PPP2R2B: variants seen among roughly 807,000 people sequenced by gnomAD.
PPP2R2B encodes the protein serine/threonine-protein phosphatase 2A 55 kDa regulatory subunit B beta isoform.
Under a neutral mutation model 46.0 loss-of-function variants are expected in PPP2R2B, and 5 were observed. The observed-to-expected ratio is 0.11, with a 90% CI of 0.06 to 0.23. The LOEUF is 0.23. Ranked by LOEUF, PPP2R2B falls within the 10% of genes least tolerant of loss-of-function variation. PPP2R2B has a pLI of 1.00. For missense variants in PPP2R2B, 367 were observed against 575.0 expected, an observed-to-expected ratio of 0.64 and a Z score of 3.70; for synonymous variants, 215 against 206.7, an observed-to-expected ratio of 1.04 and a Z score of -0.34.
intron 1 of PPP2R2B, among the ~76,000 whole-genome samples, chr5:146,983,028 A>C (rs7710563): frequency 6.6e-6 from 1 of 151,822 alleles, no homozygotes; most frequent in South Asian, 2.1e-4. Flanking sequence ...TTTAGATTCA[A>C]TTACATTTTT....
chr5:146,946,947 C>T (rs1047017481), intron 1 of PPP2R2B, among the ~76,000 whole-genome samples: 1 of 151,944 alleles, frequency 6.6e-6, no homozygotes, highest in Non-Finnish European at 1.5e-5. Flanking sequence ...GAGGGTGTTT[C>T]TCAAGAAAGC....
At chr5:146,698,200 A>C in intron 3 of PPP2R2B, 56 bp from the exon 4 acceptor site, 1 of 1,441,100 alleles carries the variant, frequency 6.9e-7, no homozygotes, top group East Asian at 2.5e-5. Flanking sequence ...CAACTGTAAA[A>C]CTCGCCAACT....
At chr5:146,982,614 A>G (rs1305632722) in intron 1 of PPP2R2B, among the ~76,000 whole-genome samples, 1 of 152,136 alleles carries the variant, frequency 6.6e-6, no homozygotes, top group Non-Finnish European at 1.5e-5. Context: ...TGTCCTATCA[A>G]TTGTTAAAAA....
At chr5:146,817,877 G>T (rs892559992) in intron 2 of PPP2R2B, among the ~76,000 whole-genome samples, 2 of 152,188 alleles carry the variant, frequency 1.3e-5, no homozygotes, top group Admixed American at 1.3e-4. Flanking sequence ...TATCAAATCA[G>T]TTCATGACTC....
At chr5:146,628,987 C>G (rs936025835) in intron 7 of PPP2R2B, among the ~76,000 whole-genome samples, 1 of 152,168 alleles carries the variant, frequency 6.6e-6, no homozygotes, top group East Asian at 1.9e-4. Context: ...TTTCCCCTAC[C>G]CCATTGGTAA....
At chr5:147,066,862 A>T (rs575374791) in intron 2 of PPP2R2B, among the ~76,000 whole-genome samples, 1 of 152,212 alleles carries the variant, frequency 6.6e-6, no homozygotes, top group African/African-American at 2.4e-5. Flanking sequence ...AGCCAAATAC[A>T]TGGCCTGAAC....
intron 2 of PPP2R2B, among the ~76,000 whole-genome samples, chr5:146,857,181 G>A (rs891546566): frequency 9.9e-5 from 15 of 152,088 alleles, no homozygotes; most frequent in African/African-American, 3.6e-4. Flanking sequence ...CAACTTCTAT[G>A]CAATAGGAAC....
At chr5:146,838,050 C>T (rs1231162983) in intron 2 of PPP2R2B, among the ~76,000 whole-genome samples, 2 of 152,066 alleles carry the variant, frequency 1.3e-5, no homozygotes, top group Non-Finnish European at 2.9e-5. Flanking sequence ...CAGTGAGCCC[C>T]CTATGCCCCT....
At chr5:147,028,080 G>A (rs1755613855) in intron 1 of PPP2R2B, among the ~76,000 whole-genome samples, 1 of 152,074 alleles carries the variant, frequency 6.6e-6, no homozygotes, top group Non-Finnish European at 1.5e-5. Context: ...TTAGCCTATA[G>A]GAATTCCCAA....
chr5:146,819,882 C>G (rs1758152506), intron 2 of PPP2R2B, among the ~76,000 whole-genome samples: 1 of 152,134 alleles, frequency 6.6e-6, no homozygotes, highest in African/African-American at 2.4e-5. Context: ...CAATGGAGTA[C>G]TATTCAGCCA....
intron 2 of PPP2R2B, among the ~76,000 whole-genome samples, chr5:146,842,958 G>C (rs1384834243): frequency 6.6e-6 from 1 of 152,236 alleles, no homozygotes; most frequent in African/African-American, 2.4e-5. Context: ...GGAGGCCGAG[G>C]CGGGTGGATC....
chr5:146,862,436 C>G (rs1044665376), intron 2 of PPP2R2B, among the ~76,000 whole-genome samples: 4 of 152,182 alleles, frequency 2.6e-5, no homozygotes, highest in African/African-American at 9.7e-5. Flanking sequence ...ATCTAGCTGT[C>G]TGAACTTGGA....
At chr5:146,700,932 T>A (rs1477945947) in intron 3 of PPP2R2B, 113 bp downstream of exon 3, 5 of 948,608 alleles carry the variant, frequency 5.3e-6, no homozygotes, top group Non-Finnish European at 8.3e-6. Flanking sequence ...TGGCAGTTTT[T>A]AGTTTTCGAG....
chr5:146,734,376 C>G (rs1752417167), intron 2 of PPP2R2B, among the ~76,000 whole-genome samples: 1 of 152,104 alleles, frequency 6.6e-6, no homozygotes, highest in Admixed American at 6.5e-5. Context: ...GATGGAGAAA[C>G]TGTGTTAAAT....
At chr5:147,068,259 A>G (rs1357643583) in intron 2 of PPP2R2B, among the ~76,000 whole-genome samples, 2 of 152,150 alleles carry the variant, frequency 1.3e-5, no homozygotes, top group African/African-American at 4.8e-5. Context: ...TATGAAGGAG[A>G]AACTACTACT....
intron 2 of PPP2R2B, among the ~76,000 whole-genome samples, chr5:146,767,050 A>G (rs1280182468): frequency 6.7e-6 from 1 of 149,066 alleles, no homozygotes; most frequent in Non-Finnish European, 1.5e-5. Context: ...TGTCTCAAAA[A>G]AAAAAAAAAA....
intron 8 of PPP2R2B, among the ~76,000 whole-genome samples, chr5:146,594,834 G>A (rs530247979): frequency 5.3e-5 from 8 of 152,192 alleles, no homozygotes; most frequent in Admixed American, 1.3e-4. Context: ...AGATAGAACT[G>A]TGTGAAAGCA....
At chr5:146,776,311 A>AACAATATTATATT in intron 2 of PPP2R2B, among the ~76,000 whole-genome samples, 1 of 152,236 alleles carries the variant, frequency 6.6e-6, no homozygotes, top group East Asian at 1.9e-4. Context: ...GGTTTTATAT[A>AACAATATTATATT]ACAATATAGA....
At chr5:146,942,013 C>T (rs1445084509) in intron 1 of PPP2R2B, among the ~76,000 whole-genome samples, 6 of 152,162 alleles carry the variant, frequency 3.9e-5, no homozygotes, top group Non-Finnish European at 8.8e-5. Context: ...CCGGTCTCCG[C>T]CTCCCCAGTT....
Sources: allele counts gnomAD v4.1 joint callset (sites outside exome capture counted in the v4.1 genomes callset), GRCh38; gene constraint gnomAD v4.1.1; transcripts MANE v1.5; gene names NCBI Gene and HGNC (gene_info 2026-07-23, HGNC 2026-07-21).